The following ZNF727 variants were observed in gnomAD, a reference collection of about 807,000 sequenced individuals.
ZNF727 encodes the protein zinc finger protein 727.
Under a neutral mutation model 11.5 loss-of-function variants are expected in ZNF727, and 11 were observed. The ratio of observed to expected loss-of-function variants is 0.95; its 90% CI spans 0.60 to 1.58. The LOEUF is 1.58. ZNF727 is among the 40% of genes most tolerant of loss of function. The pLI, the probability that ZNF727 is intolerant of heterozygous loss-of-function variation, is 0.00. For missense variants in ZNF727, 533 were observed against 581.7 expected, an observed-to-expected ratio of 0.92 and a Z score of 0.86; for synonymous variants, 171 against 196.1, an observed-to-expected ratio of 0.87 and a Z score of 1.07.
rs372078057 is a variant in ZNF727, at chr7:64,077,317, G to A, written c.268G>A (p.Asp90Asn). The A allele has an allele frequency of 4.2e-5, 65 of 1,548,512 alleles. No individual in the cohort carries two copies. In the African/African-American group the frequency reaches 6.7e-4, roughly 16 times the overall value. ...HFTAEILLEH[D>N]INDSFQKVIL... is the part of the protein sequence containing the mutation. ...TACTGCAGAGATATTGCTGGAGCACGACATAAACGATTCATTTCAAAAAGT... is the reference window on the plus strand; with the variant it reads ...TACTGCAGAGATATTGCTGGAGCACAACATAAACGATTCATTTCAAAAAGT... The change falls in exon 4 of 4, where the codon GAC (aspartate) becomes AAC (asparagine). Residue 90 changes from aspartate to asparagine, a missense_variant. Around this residue, in one of 3 missense-constraint regions of ZNF727, gnomAD observed 463 missense variants for 494.5 expected, o/e 0.94. Coordinates refer to ENST00000456806, the MANE Select transcript of ZNF727 (RefSeq NM_001159522.3).
Position 64,083,903 on chromosome 7 carries a change from G to A in ZNF727, c.*5354G>A, listed in dbSNP as rs1785833465. ...CATTCTTCTCTGTGAGAGCTACACAGTCTAGCTCCTTCTACTTTTTTATAT... is the reference window on the plus strand; with the variant it reads ...CATTCTTCTCTGTGAGAGCTACACAATCTAGCTCCTTCTACTTTTTTATAT... On this transcript the variant is annotated 3_prime_UTR_variant, in exon 4 of 4. Coordinates refer to ENST00000456806, the MANE Select transcript of ZNF727 (RefSeq NM_001159522.3). Among the ~76,000 whole-genome samples the A allele has an allele frequency of 6.6e-6, 1 of 152,148 alleles. No homozygotes were observed. The highest frequency in any genetic ancestry group is 6.5e-5 in the Admixed American group (1 of 15,274).
rs202148518 is a variant in ZNF727 at position 64,080,897 on chromosome 7, T to TG, written c.*2348_*2349insG. Among the ~76,000 whole-genome samples, 10 of 152,094 alleles carry TG rather than the reference T, an allele frequency of 6.6e-5. No homozygotes were observed. Among genetic ancestry groups the TG allele is most frequent in the African/African-American group, 2.4e-4 (10 of 41,486 alleles). On this transcript the variant is annotated 3_prime_UTR_variant, in exon 4 of 4. Coordinates refer to ENST00000456806, the MANE Select transcript of ZNF727 (RefSeq NM_001159522.3). Reference sequence around the variant, plus strand: ...GTTTTTTGTTTTTTGTTTTTGTTTTTTTTTTTGTGGTGGTGGAGGGGGCAA... The same window carrying TG: ...GTTTTTTGTTTTTTGTTTTTGTTTTTGTTTTTTGTGGTGGTGGAGGGGGCAA...
chr7:64,069,072 C>CT (rs35929359), intron 2 of ZNF727, 55 bp downstream of exon 2: 43,773 of 1,117,620 alleles, frequency 0.039, no homozygotes, highest in East Asian at 0.066. Context: ...TTTATTTCCT[C>CT]TTTTTTTTTT....
intron 1 of ZNF727, among the ~76,000 whole-genome samples, chr7:64,046,980 T>G (rs1159326651): frequency 7.0e-6 from 1 of 142,486 alleles, no homozygotes; most frequent in African/African-American, 2.8e-5. Context: ...AGTTTTGTGT[T>G]TTTTTTTTTT....
chr7:64,046,554 C>A (rs1183657732), intron 1 of ZNF727, among the ~76,000 whole-genome samples: 1 of 152,142 alleles, frequency 6.6e-6, no homozygotes, highest in Non-Finnish European at 1.5e-5. Context: ...AACCCCCTTG[C>A]CTTCTTTTCA....
rs1051120057 is a variant in ZNF727 at position 64,078,756 on chromosome 7, G to A, written c.*207G>A. ...GAGACCTTACAAATGTGAAGAATGC[G>A]GCAAAACCTGTGTTTCTCAGACCTG... On this transcript the variant is annotated 3_prime_UTR_variant, in exon 4 of 4. Coordinates refer to ENST00000456806, the MANE Select transcript of ZNF727 (RefSeq NM_001159522.3). Among the ~76,000 whole-genome samples, 2 of 151,626 alleles carry A rather than the reference G, an allele frequency of 1.3e-5. No individual in the cohort carries two copies. Among genetic ancestry groups the A allele is most frequent in the East Asian group, 2.0e-4 (1 of 5,120 alleles).
rs576216052 is a variant in ZNF727, at chr7:64,072,761, A to G, written c.226+3152A>G. ...TCTTGGTCTGTAGCTAAGACCAAGC[A>G]TTTTCAAGTTTGCCGCCTGAATGAG... On this transcript the variant is annotated intron_variant, in intron 3 of 3. Coordinates refer to ENST00000456806, the MANE Select transcript of ZNF727 (RefSeq NM_001159522.3). Among the ~76,000 whole-genome samples the G allele has an allele frequency of 6.4e-4, 97 of 152,230 alleles. No homozygotes were observed. In the South Asian group the frequency reaches 6.6e-3, roughly 10 times the overall value.
In ZNF727 at chr7:64,061,058, G is replaced by A. The variant is rs150716849; in HGVS notation, c.4-7833G>A. On this transcript the variant is annotated intron_variant, in intron 1 of 3. Coordinates refer to ENST00000456806, the MANE Select transcript of ZNF727 (RefSeq NM_001159522.3). Reference sequence around the variant, plus strand: ...TACCTGATATAATTTTATTTGGGGAGAGCTTATTTTAAGAGTTATTTTGTG... The same window carrying A: ...TACCTGATATAATTTTATTTGGGGAAAGCTTATTTTAAGAGTTATTTTGTG... Among the ~76,000 whole-genome samples the A allele has an allele frequency of 4.9e-3, 748 of 152,188 alleles. 6 individuals are homozygous for A. The highest frequency in any genetic ancestry group is 0.017 in the African/African-American group (701 of 41,536).
chr7:64,046,501 T>C (rs563005292), intron 1 of ZNF727, among the ~76,000 whole-genome samples: 1 of 152,340 alleles, frequency 6.6e-6, no homozygotes, highest in South Asian at 2.1e-4. Context: ...GACCTCTCGA[T>C]AGTGACTGAG....
At chr7:64,076,294 ATGATTGTTTTATTCTTAAT>A (rs891124845) in intron 3 of ZNF727, among the ~76,000 whole-genome samples, 1 of 151,878 alleles carries the variant, frequency 6.6e-6, no homozygotes, top group African/African-American at 2.4e-5. Flanking sequence ...TTATTAGTCA[ATGATTGTTTTATTCTTAAT>A]TGTAAAAACT....
Position 64,081,081 on chromosome 7 carries a change from G to C in ZNF727, c.*2532G>C, listed in dbSNP as rs1170830734. On this transcript the variant is annotated 3_prime_UTR_variant, in exon 4 of 4. Transcript: ENST00000456806. ...CACTCTGTGGGACTAAGGTGCCACA[G>C]CTGCTGCAGAGTGCTAGTGGATATG... Among the ~76,000 whole-genome samples, 1 of 152,064 alleles carries C rather than the reference G, an allele frequency of 6.6e-6. No homozygotes were observed. Among genetic ancestry groups the C allele is most frequent in the Non-Finnish European group, 1.5e-5 (1 of 68,012 alleles).
intron 1 of ZNF727, among the ~76,000 whole-genome samples, chr7:64,046,166 C>T (rs945925851): frequency 6.6e-6 from 1 of 152,084 alleles, no homozygotes; most frequent in African/African-American, 2.4e-5. Flanking sequence ...GGGAGACATG[C>T]GCCGCCACCT....
Position 64,070,945 on chromosome 7 carries a change from G to A in ZNF727, c.226+1336G>A, listed in dbSNP as rs1168638886. Among the ~76,000 whole-genome samples, 6 of 151,936 alleles carry A rather than the reference G, an allele frequency of 3.9e-5. No homozygotes were observed. In the East Asian group the frequency reaches 9.7e-4, roughly 24 times the overall value. On this transcript the variant is annotated intron_variant, in intron 3 of 3. Transcript: ENST00000456806. ...GGTCCACCCATGTTGTAGAATGTCAGGGTTTTATTATTTTTTATGGCTGAA... is the reference window on the plus strand; with the variant it reads ...GGTCCACCCATGTTGTAGAATGTCAAGGTTTTATTATTTTTTATGGCTGAA...
intron 1 of ZNF727, among the ~76,000 whole-genome samples, chr7:64,058,540 G>T (rs1467156377): frequency 6.6e-6 from 1 of 152,036 alleles, no homozygotes; most frequent in Non-Finnish European, 1.5e-5. Context: ...CTGGGCTTCT[G>T]AGTCACCTGA....
chr7:64,080,083 T>A lies in ZNF727; in HGVS notation c.*1534T>A, dbSNP rs1007678231. 2.0e-5 allele frequency among the ~76,000 whole-genome samples: 3 copies of A among 152,076 alleles called. No homozygotes were observed. Among genetic ancestry groups the A allele is most frequent in the African/African-American group, 7.3e-5 (3 of 41,376 alleles). On this transcript the variant is annotated 3_prime_UTR_variant, in exon 4 of 4. Coordinates refer to ENST00000456806, the MANE Select transcript of ZNF727 (RefSeq NM_001159522.3). The stretch of plus-strand genomic sequence containing the variant: ...TCTTTCTCTCTAGCTGCCTTTAACA[T>A]ATTTTTTTCTCTCATTTTGACCTTG...
At chr7:64,061,196 A>G (rs1371912546) in intron 1 of ZNF727, among the ~76,000 whole-genome samples, 8 of 152,196 alleles carry the variant, frequency 5.3e-5, no homozygotes, top group African/African-American at 1.7e-4. Context: ...TATTTGGTCC[A>G]TAGTGCAGAT....
intron 2 of ZNF727, among the ~76,000 whole-genome samples, chr7:64,069,284 T>C (rs1192523815): frequency 6.6e-6 from 1 of 152,060 alleles, no homozygotes; most frequent in Non-Finnish European, 1.5e-5. Context: ...TACCCACTCC[T>C]AAAAATGCAA....
rs571115857 is a variant in ZNF727 at position 64,079,427 on chromosome 7, C to T, written c.*878C>T. 3.1e-4 allele frequency among the ~76,000 whole-genome samples: 47 copies of T among 152,104 alleles called. 1 individual carries two copies. The highest frequency in any genetic ancestry group is 2.6e-3 in the Admixed American group (40 of 15,288). On this transcript the variant is annotated 3_prime_UTR_variant, in exon 4 of 4. Coordinates refer to ENST00000456806, the MANE Select transcript of ZNF727 (RefSeq NM_001159522.3). ...TGTTGGATGCATATATAGCCCTTTACTATTATGTAATGCCATTTTTTGTCT... is the reference window on the plus strand; with the variant it reads ...TGTTGGATGCATATATAGCCCTTTATTATTATGTAATGCCATTTTTTGTCT...
rs565521568 is a variant in ZNF727 at position 64,082,357 on chromosome 7, G to A, written c.*3808G>A. The stretch of plus-strand genomic sequence containing the variant: ...GAAGGGCTGCTGCAGTATGCTGGGT[G>A]TCCACTGCAGTTTCTAGTCACCTCA... On this transcript the variant is annotated 3_prime_UTR_variant, in exon 4 of 4. Coordinates refer to ENST00000456806, the MANE Select transcript of ZNF727 (RefSeq NM_001159522.3). Among the ~76,000 whole-genome samples, 192 of 152,306 alleles carry A rather than the reference G, an allele frequency of 1.3e-3. No homozygotes were observed. In the Middle Eastern group the frequency reaches 0.034, roughly 27 times the overall value.
Sources: gnomAD v4.1 joint callset for allele counts (sites outside exome capture counted in the v4.1 genomes callset) on GRCh38, gnomAD v4.1.1 for gene constraint, gnomAD v4.1.1 regional missense constraint, MANE v1.5 for transcripts, NCBI Gene and HGNC (gene_info 2026-07-23, HGNC 2026-07-21) for gene names.